Variants in HAO2 observed in about 807,000 individuals in gnomAD.
HAO2 encodes the protein 2-Hydroxyacid oxidase 2.
A neutral mutation model predicts 37.4 loss-of-function variants in HAO2; 42 were observed. The ratio of observed to expected loss-of-function variants is 1.12; its 90% confidence interval spans 0.88 to 1.45. HAO2 has a LOEUF of 1.45. Among genes scored for constraint, HAO2 ranks in the 40% most tolerant of loss-of-function variants. The probability of loss-of-function intolerance (pLI) is 0.00; values close to 1 mark genes in which losing one functional copy is unlikely to be tolerated. For synonymous variants in HAO2, 180 were observed against 162.8 expected, an observed-to-expected ratio of 1.11 and a Z score of -0.81; for missense variants, 476 against 430.2, an observed-to-expected ratio of 1.11 and a Z score of -0.94.
intron 3 of HAO2, among the ~76,000 whole-genome samples, chr1:119,384,165 A>G (rs1650190659): frequency 6.6e-6 from 1 of 152,218 alleles, no homozygotes; most frequent in African/African-American, 2.4e-5. Context: ...CAACTTCATT[A>G]GCACTGGTAT....
chr1:119,393,903 CA>C lies in HAO2; in HGVS notation c.*64del. ...ACAGGAGGATCACAAACTCACAGCA[CA>C]GTGTGTGATGCTGTCCTTCCTGGAC... On this transcript the variant is annotated 3_prime_UTR_variant, in exon 8 of 8. Coordinates refer to ENST00000325945, the MANE Select transcript of HAO2 (RefSeq NM_016527.4). The C allele has an allele frequency of 6.2e-7, 1 of 1,609,840 alleles. No individual in the cohort carries two copies. Among genetic ancestry groups the C allele is most frequent in the African/African-American group, 1.3e-5 (1 of 74,914 alleles).
rs764148838 is a variant in HAO2, at chr1:119,393,811, C to G, written c.1027C>G (p.Arg343Gly). The change falls in exon 8 of 8, where the codon CGA becomes GGA. Residue 343 changes from arginine to glycine, a missense_variant. By Grantham distance (125) the Arg-to-Gly change is moderately radical (BLOSUM62 -2). Transcript: ENST00000325945. ...CTGCCGGTCGGTCGCTGAGATCAAT[C>G]GAAACTTGGTCCAGTTTTCCAGGCT... ...TGCRSVAEIN[R>G]NLVQFSRL 1.2e-6 allele frequency: 2 copies of G among 1,613,158 alleles called. No homozygotes were observed. The highest frequency in any genetic ancestry group is 1.1e-5 in the South Asian group (1 of 91,036).
chr1:119,383,289 A>G (rs1480589349), intron 3 of HAO2, among the ~76,000 whole-genome samples: 1 of 152,252 alleles, frequency 6.6e-6, no homozygotes, highest in Non-Finnish European at 1.5e-5. Context: ...GGGGGTTTAC[A>G]GATGAATAAG....
At position 119,374,283 on chromosome 1, in the gene HAO2, C is replaced by T. The variant is rs1649270599; in HGVS notation, c.-9+5381C>T. ...ATGGCTCTCCTAGTCTCCATCAGCT[C>T]TGGGACCCTTCTCCTCTCCCATCAC... On this transcript the variant is annotated intron_variant, in intron 1 of 7. Coordinates refer to ENST00000325945, the MANE Select transcript of HAO2 (RefSeq NM_016527.4). Among the ~76,000 whole-genome samples the T allele has an allele frequency of 2.0e-5, 3 of 152,230 alleles. 1 individual carries two copies. In the South Asian group the frequency reaches 6.2e-4, roughly 32 times the overall value.
At chr1:119,371,699 T>C (rs757665482) in intron 1 of HAO2, among the ~76,000 whole-genome samples, 1 of 152,234 alleles carries the variant, frequency 6.6e-6, no homozygotes, top group Admixed American at 6.5e-5. Context: ...GGGATGATAA[T>C]ATTTGTGTTG....
intron 5 of HAO2, among the ~76,000 whole-genome samples, chr1:119,389,679 C>A (rs1650718269): frequency 7.1e-6 from 1 of 140,496 alleles, no homozygotes; most frequent in South Asian, 2.2e-4. Context: ...CTCGTAGATT[C>A]TGGTTGTTAG....
intron 3 of HAO2, 137 bp downstream of exon 3, chr1:119,383,203 T>A: frequency 1.7e-6 from 1 of 591,882 alleles, no homozygotes; most frequent in South Asian, 2.4e-5. Context: ...GGAAAGGGAA[T>A]GCTTAAAGCT....
rs1425813583 is a variant in HAO2 at position 119,392,680 on chromosome 1, C to T, written c.993C>T (p.Ala331=). Residue 331 remains alanine, a synonymous_variant, in exon 7 of 8, where the codon GCC becomes GCT. Transcript: ENST00000325945. ...ILTNEFHTSM[A]LTGCRSVAEI... is the part of the protein sequence containing the mutation. ...CAAATGAGTTCCACACTTCCATGGC[C>T]CTTACAGGTAAGTTAACATGTTTTC... 7.5e-6 allele frequency: 12 copies of T among 1,590,490 alleles called. No homozygotes were observed. Among genetic ancestry groups the T allele is most frequent in the Non-Finnish European group, 1.0e-5 (12 of 1,158,712 alleles).
At chr1:119,393,724 A>T in intron 7 of HAO2, 61 bp from the exon 8 acceptor site, 5 of 1,371,692 alleles carry the variant, frequency 3.6e-6, no homozygotes, top group Non-Finnish European at 5.2e-6. Flanking sequence ...CCCCTTACCC[A>T]TGATGAGGTG....
At chr1:119,386,344 G>A (rs970439076) in intron 4 of HAO2, among the ~76,000 whole-genome samples, 1 of 152,106 alleles carries the variant, frequency 6.6e-6, no homozygotes, top group Non-Finnish European at 1.5e-5. Context: ...CTCCCGAGTA[G>A]CTGGGACTAC....
chr1:119,385,466 GA>G (rs780211616), intron 4 of HAO2: 309 of 765,964 alleles, frequency 4.0e-4, no homozygotes, highest in Non-Finnish European at 4.8e-4. Context: ...CTCCAAAGGG[GA>G]TGTTCATGAC....
chr1:119,372,404 A>G (rs954309633), intron 1 of HAO2, among the ~76,000 whole-genome samples: 3 of 152,164 alleles, frequency 2.0e-5, no homozygotes, highest in African/African-American at 7.2e-5. Context: ...AAATTGTTTC[A>G]CTTTGTTCTT....
intron 2 of HAO2, among the ~76,000 whole-genome samples, chr1:119,382,149 G>C (rs1429899934): frequency 6.6e-6 from 1 of 152,118 alleles, no homozygotes; most frequent in African/African-American, 2.4e-5. Context: ...ATTTCAGTCT[G>C]TCTTCACAAA....
intron 6 of HAO2, 57 bp downstream of exon 6, chr1:119,392,325 G>A: frequency 2.2e-6 from 3 of 1,388,684 alleles, no homozygotes; most frequent in Non-Finnish European, 3.0e-6. Flanking sequence ...TCATTTCTGT[G>A]CTTTCCTGTG....
intron 1 of HAO2, chr1:119,380,741 G>A: frequency 1.3e-6 from 2 of 1,542,334 alleles, no homozygotes; most frequent in East Asian, 2.2e-5. Flanking sequence ...ACAAAAATAA[G>A]AATTTTTTGT....
intron 3 of HAO2, 150 bp downstream of exon 3, chr1:119,383,216 GT>G: frequency 3.5e-6 from 2 of 579,380 alleles, no homozygotes; most frequent in Non-Finnish European, 6.1e-6. Context: ...TTAAAGCTAC[GT>G]TTGTGTAACC....
intron 6 of HAO2, 49 bp from the exon 7 acceptor site, chr1:119,392,569 A>G (rs373025356): frequency 1.8e-5 from 22 of 1,197,576 alleles, no homozygotes; most frequent in Non-Finnish European, 2.7e-5. Flanking sequence ...GATGGTCAGA[A>G]TGTTCCTTTA....
Position 119,393,746 on chromosome 1 carries a change from T to C in HAO2, c.1001-39T>C, listed in dbSNP as rs759286184. ...CCCATGATGAGGTGAGTTGCTTGTG[T>C]TTGACAAAAATGAGCTTGTAACCAC... On this transcript the variant is annotated intron_variant, in intron 7 of 7. Coordinates refer to ENST00000325945, the MANE Select transcript of HAO2 (RefSeq NM_016527.4). 4 of 1,599,062 alleles carry C rather than the reference T, an allele frequency of 2.5e-6. No homozygotes were observed. In the South Asian group the frequency reaches 4.4e-5, roughly 18 times the overall value.
intron 3 of HAO2, among the ~76,000 whole-genome samples, chr1:119,383,502 G>A (rs903184120): frequency 2.0e-5 from 3 of 152,170 alleles, no homozygotes; most frequent in African/African-American, 7.2e-5. Context: ...CTAACACAAG[G>A]CCCTGGAAGC....
Sources: gnomAD v4.1 joint callset for allele counts (sites outside exome capture counted in the v4.1 genomes callset) on GRCh38, gnomAD v4.1.1 for gene constraint, MANE v1.5 for transcripts, NCBI Gene and HGNC (gene_info 2026-07-23, HGNC 2026-07-21) for gene names.